PKD1L3: variants seen among roughly 807,000 people sequenced by gnomAD.
PKD1L3 encodes the protein polycystin-1-like protein 3.
In PKD1L3, 239 loss-of-function variants were observed where a neutral mutation model predicts 184.1. That is an observed-to-expected ratio of 1.30 (90% confidence interval 1.17 to 1.45). The LOEUF (loss-of-function observed/expected upper bound fraction) is 1.45, where lower values mean the gene tolerates loss of function less well. Ranked by LOEUF, PKD1L3 falls within the 40% of genes most tolerant of loss-of-function variation. PKD1L3 has a pLI of 0.00. For missense variants in PKD1L3, 2,660 were observed against 2,067.2 expected (o/e 1.29, Z -5.56); for synonymous variants, 996 against 778.8 (o/e 1.28, Z -4.64).
chr16:71,933,404 A>T lies in PKD1L3; in HGVS notation c.4926+16T>A. On this transcript the variant is annotated intron_variant, in intron 28 of 29. Transcript: ENST00000620267. Reference sequence around the variant, plus strand: ...AATATATTGAATTCTGTGAGGAAACAAATTATTATTTTTACCTCCTCTTGG... The same window carrying T: ...AATATATTGAATTCTGTGAGGAAACTAATTATTATTTTTACCTCCTCTTGG... 4.6e-6 allele frequency: 7 copies of T among 1,516,758 alleles called. No homozygotes were observed. The highest frequency in any genetic ancestry group is 6.3e-6 in the Non-Finnish European group (7 of 1,115,214). The allele number at this position is 1,516,758 out of a possible 1,614,324, so 94.0% of individuals were successfully genotyped here.
Position 71,977,612 on chromosome 16 carries a change from G to C in PKD1L3, c.1528-145C>G, listed in dbSNP as rs74027754. The C allele has an allele frequency of 5.9e-3, 3,715 of 631,368 alleles. 103 individuals are homozygous for C. The highest frequency in any genetic ancestry group is 0.057 in the African/African-American group (2,980 of 51,860). The allele number at this position is 631,368 out of a possible 1,614,324, so 39.1% of individuals were successfully genotyped here. On this transcript the variant is annotated intron_variant, in intron 10 of 29. Transcript: ENST00000620267. The stretch of plus-strand genomic sequence containing the variant: ...GGGTCTTGCTATGTTGGCCACGTTG[G>C]TCTTGAACTCCTGGTCTCAAGCAAT...
chr16:71,938,826 C>T (rs1313230705), intron 24 of PKD1L3, among the ~76,000 whole-genome samples: 1 of 152,250 alleles, frequency 6.6e-6, no homozygotes, highest in Non-Finnish European at 1.5e-5. Flanking sequence ...TGAAGCTCCT[C>T]TCCACCTCTC....
At chr16:71,964,846 T>C (rs2039436733) in intron 15 of PKD1L3, among the ~76,000 whole-genome samples, 1 of 135,358 alleles carries the variant, frequency 7.4e-6, no homozygotes, top group Non-Finnish European at 1.6e-5. Flanking sequence ...TCTATATATA[T>C]GTATTTTTTT....
At chr16:71,955,663 C>T (rs2039017674) in intron 16 of PKD1L3, among the ~76,000 whole-genome samples, 1 of 151,936 alleles carries the variant, frequency 6.6e-6, no homozygotes. Context: ...TGTATCCCCA[C>T]CCAAATCTCA....
chr16:71,978,437 C>A, intron 9 of PKD1L3, 54 bp from the exon 10 acceptor site: 1 of 1,478,766 alleles, frequency 6.8e-7, no homozygotes, highest in Non-Finnish European at 9.1e-7. Flanking sequence ...TTTTAAGTGA[C>A]CCCACTAGAA....
chr16:71,988,798 T>C (rs1441882240), intron 4 of PKD1L3, among the ~76,000 whole-genome samples: 4 of 152,118 alleles, frequency 2.6e-5, no homozygotes, highest in Non-Finnish European at 5.9e-5. Context: ...AATGAAGACC[T>C]GAAGCAGCAG....
At chr16:71,987,936 G>A (rs2040437902) in intron 4 of PKD1L3, among the ~76,000 whole-genome samples, 2 of 152,198 alleles carry the variant, frequency 1.3e-5, no homozygotes, top group Non-Finnish European at 2.9e-5. Context: ...GGAAGCTAGA[G>A]GAGTGATGGT....
At chr16:71,959,814 A>G (rs979589051) in intron 16 of PKD1L3, among the ~76,000 whole-genome samples, 1 of 152,110 alleles carries the variant, frequency 6.6e-6, no homozygotes, top group Admixed American at 6.6e-5. Context: ...CTAAACCAGC[A>G]AAGATTAAAA....
chr16:71,976,819 T>C (rs2039943009), intron 11 of PKD1L3, among the ~76,000 whole-genome samples: 1 of 151,882 alleles, frequency 6.6e-6, no homozygotes, highest in East Asian at 1.9e-4. Context: ...GTCAGCTCAC[T>C]GCAAGCTCCG....
chr16:71,979,443 C>CAACAAAACAA lies in PKD1L3; in HGVS notation c.1398+333_1398+342dup, dbSNP rs71391429. On this transcript the variant is annotated intron_variant, in intron 9 of 29. Transcript: ENST00000620267. Reference sequence around the variant, plus strand: ...TGGGTGACAGATTGAGACTCCATCTCAACAAAACAAAACAAAACAAAACAA... The same window carrying CAACAAAACAA: ...TGGGTGACAGATTGAGACTCCATCTCAACAAAACAAAACAAAACAAAACAAAACAAAACAA... 1.7e-3 allele frequency among the ~76,000 whole-genome samples: 256 copies of CAACAAAACAA among 150,096 alleles called. 1 individual carries two copies. Among genetic ancestry groups the CAACAAAACAA allele is most frequent in the South Asian group, 6.3e-3 (30 of 4,728 alleles).
At position 71,933,989 on chromosome 16, in the gene PKD1L3, G is replaced by C. The variant is rs750689945; in HGVS notation, c.4750C>G (p.Leu1584Val). ...SPRLRVISRT[L>V]SRAWDEVVGF... ...ACCACCTCGTCCCAGGCTCGGCTCAGTGTCCTGCTGATGACCCGCAGCCTG... is the reference window on the plus strand; with the variant it reads ...ACCACCTCGTCCCAGGCTCGGCTCACTGTCCTGCTGATGACCCGCAGCCTG... Residue 1584 changes from leucine to valine, a missense_variant, in exon 27 of 30, where the codon CTG becomes GTG. By Grantham distance (32) the Leu-to-Val change is conservative (BLOSUM62 1). Transcript: ENST00000620267. 1.9e-6 allele frequency: 3 copies of C among 1,551,642 alleles called. No homozygotes were observed. The South Asian group carries it at 3.6e-5, about 18-fold the overall frequency.
At chr16:71,953,792 C>A (rs772165209) in intron 17 of PKD1L3, among the ~76,000 whole-genome samples, 3 of 152,320 alleles carry the variant, frequency 2.0e-5, no homozygotes, top group South Asian at 2.1e-4. Flanking sequence ...AAGTCCTCCC[C>A]CCGCCCCAAC....
At chr16:71,958,320 G>C (rs1231866398) in intron 16 of PKD1L3, among the ~76,000 whole-genome samples, 1 of 148,346 alleles carries the variant, frequency 6.7e-6, no homozygotes, top group East Asian at 2.0e-4. Flanking sequence ...CCGGGAGGCG[G>C]AGCTTGCAGT....
chr16:71,979,327 C>T (rs1372652202), intron 9 of PKD1L3, among the ~76,000 whole-genome samples: 2 of 152,104 alleles, frequency 1.3e-5, no homozygotes, highest in African/African-American at 4.8e-5. Context: ...GCCTGTAATC[C>T]CAGCTACTTG....
In PKD1L3 at chr16:71,942,739, T is replaced by G. The variant is rs1255777670; in HGVS notation, c.4145A>C (p.Gln1382Pro). ...TKTYEKVDEG[Q>P]LAFCDNGHTC... Reference sequence around the variant, plus strand: ...ATGGCCGTTATCACAAAACGCCAGCTGACCTTCGTCCACTTTCTCATAGGT... The same window carrying G: ...ATGGCCGTTATCACAAAACGCCAGCGGACCTTCGTCCACTTTCTCATAGGT... The change falls in exon 24 of 30, where the codon CAG becomes CCG. Residue 1382 changes from glutamine to proline, a missense_variant. Physicochemically the swap from Gln to Pro is moderately conservative, Grantham distance 76 (BLOSUM62 -1). Transcript: ENST00000620267. The G allele has an allele frequency of 1.3e-6, 2 of 1,551,756 alleles. No individual in the cohort carries two copies. The highest frequency in any genetic ancestry group is 1.7e-6 in the Non-Finnish European group (2 of 1,147,006).
At chr16:71,952,841 A>G in intron 18 of PKD1L3, 53 bp downstream of exon 18, 1 of 1,501,834 alleles carries the variant, frequency 6.7e-7, no homozygotes, top group Non-Finnish European at 9.0e-7. Flanking sequence ...CTATGTCAAA[A>G]CAAACAAGCA....
intron 26 of PKD1L3, among the ~76,000 whole-genome samples, chr16:71,934,339 A>G (rs2038099871): frequency 6.6e-6 from 1 of 152,148 alleles, no homozygotes; most frequent in African/African-American, 2.4e-5. Context: ...CCTGCTGCAG[A>G]TTGCACTGGG....
chr16:71,988,388 T>A (rs1041492968), intron 4 of PKD1L3, among the ~76,000 whole-genome samples: 1 of 152,024 alleles, frequency 6.6e-6, no homozygotes, highest in Non-Finnish European at 1.5e-5. Context: ...AGAGATGGGG[T>A]TTCGCCATGT....
intron 19 of PKD1L3, among the ~76,000 whole-genome samples, chr16:71,951,229 AG>A (rs2038820117): frequency 6.6e-6 from 1 of 151,970 alleles, no homozygotes; most frequent in Non-Finnish European, 1.5e-5. Flanking sequence ...TAGTAGAGAC[AG>A]GGTTTCGCCA....
Sources: allele counts gnomAD v4.1 joint callset (sites outside exome capture counted in the v4.1 genomes callset), GRCh38; gene constraint gnomAD v4.1.1; transcripts MANE v1.5; gene names NCBI Gene and HGNC (gene_info 2026-07-23, HGNC 2026-07-21).